Variants in CR1L observed in about 807,000 individuals in gnomAD.
CR1L encodes the protein complement component receptor 1-like protein.
A neutral mutation model predicts 62.3 loss-of-function variants in CR1L; 59 were observed. The ratio of observed to expected loss-of-function variants is 0.95; its 90% CI spans 0.77 to 1.18. CR1L has a LOEUF of 1.18. CR1L is among the 50% of genes most tolerant of loss of function. The pLI is 0.00. For synonymous variants in CR1L, 279 were observed against 248.7 expected (o/e 1.12, Z -1.15); for missense variants, 700 against 702.8 (o/e 1.00, Z 0.04).
At chr1:207,666,151 G>A (rs537679866) in intron 1 of CR1L, among the ~76,000 whole-genome samples, 26 of 152,178 alleles carry the variant, frequency 1.7e-4, no homozygotes, top group African/African-American at 4.3e-4. Flanking sequence ...GAGTTACTCC[G>A]TCCTCACACA....
intron 1 of CR1L, among the ~76,000 whole-genome samples, chr1:207,651,320 A>C (rs1372217235): frequency 6.6e-6 from 1 of 152,198 alleles, no homozygotes; most frequent in Non-Finnish European, 1.5e-5. Flanking sequence ...ATTGCCAATA[A>C]GTGCATTGCA....
chr1:207,677,617 G>A (rs12117441), intron 2 of CR1L, 49 bp downstream of exon 2: 8 of 1,577,406 alleles, frequency 5.1e-6, no homozygotes, highest in Non-Finnish European at 6.9e-6. Context: ...ACATCTGTAA[G>A]ATCTGATTCA....
intron 1 of CR1L, chr1:207,655,273 A>G: frequency 1.4e-6 from 1 of 695,344 alleles, no homozygotes; most frequent in Non-Finnish European, 2.4e-6. Flanking sequence ...CCAATATGTG[A>G]AAGTAAGTAA....
intron 9 of CR1L, among the ~76,000 whole-genome samples, chr1:207,702,085 C>T (rs937145240): frequency 6.6e-6 from 1 of 152,116 alleles, no homozygotes; most frequent in Non-Finnish European, 1.5e-5. Flanking sequence ...GGCAACGCTG[C>T]AACAAGCATG....
chr1:207,691,338 T>C (rs1373309807), intron 4 of CR1L, among the ~76,000 whole-genome samples: 1 of 151,946 alleles, frequency 6.6e-6, no homozygotes, highest in African/African-American at 2.4e-5. Context: ...ATATTATATA[T>C]ATTTCAAATC....
intron 10 of CR1L, among the ~76,000 whole-genome samples, chr1:207,713,673 G>A (rs140079355): frequency 1.3e-5 from 2 of 152,366 alleles, no homozygotes; most frequent in South Asian, 2.1e-4. Flanking sequence ...GCACAGGAGC[G>A]GGCTCCGTGC....
chr1:207,671,665 A>G lies in CR1L; in HGVS notation c.98-5724A>G, dbSNP rs578192378. ...AACGGGGCCAGGCGCAGTGGCTCACACCTATAATCCCAGCACTTTAGGAGG... is the reference window on the plus strand; with the variant it reads ...AACGGGGCCAGGCGCAGTGGCTCACGCCTATAATCCCAGCACTTTAGGAGG... On this transcript the variant is annotated intron_variant, in intron 1 of 11. Transcript: ENST00000508064. Among the ~76,000 whole-genome samples, 21 of 151,072 alleles carry G rather than the reference A, an allele frequency of 1.4e-4. 3 individuals are homozygous for G. The South Asian group carries it at 4.4e-3, about 31-fold the overall frequency.
chr1:207,710,559 T>TG (rs1337224628), intron 10 of CR1L: 28 of 1,609,756 alleles, frequency 1.7e-5, no homozygotes, highest in Non-Finnish European at 2.4e-5. Context: ...GATGATCAAG[T>TG]GGTCGTCTGG....
At chr1:207,704,851 T>G (rs115360994) in intron 9 of CR1L, among the ~76,000 whole-genome samples, 2,471 of 152,360 alleles carry the variant, frequency 0.016, 34 homozygotes, top group Non-Finnish European at 0.026. Context: ...TGACTTGGTT[T>G]GTTGTGATAT....
intron 4 of CR1L, among the ~76,000 whole-genome samples, chr1:207,687,907 G>T (rs1456092425): frequency 2.0e-5 from 3 of 151,986 alleles, no homozygotes; most frequent in Non-Finnish European, 4.4e-5. Flanking sequence ...GTCTTCTGTT[G>T]TAGTAAGTTC....
chr1:207,719,686 C>A (rs1654089598), intron 11 of CR1L, among the ~76,000 whole-genome samples: 1 of 151,880 alleles, frequency 6.6e-6, no homozygotes, highest in East Asian at 1.9e-4. Flanking sequence ...AACACTGCAC[C>A]CCAGCCTGGA....
chr1:207,712,245 G>A (rs918596126), intron 10 of CR1L, among the ~76,000 whole-genome samples: 3 of 152,190 alleles, frequency 2.0e-5, no homozygotes, highest in Non-Finnish European at 4.4e-5. Flanking sequence ...TTGGTCTCAG[G>A]TGACAGTCTC....
intron 4 of CR1L, 63 bp from the exon 5 acceptor site, chr1:207,694,290 T>G: frequency 6.3e-7 from 1 of 1,581,284 alleles, no homozygotes; most frequent in Non-Finnish European, 8.7e-7. Context: ...ATAGTTACAG[T>G]TTAGTGACTC....
chr1:207,719,025 G>A (rs576072830), intron 11 of CR1L, among the ~76,000 whole-genome samples: 48 of 143,494 alleles, frequency 3.3e-4, no homozygotes, highest in Non-Finnish European at 5.7e-4. Context: ...ACCAAACACC[G>A]CATATTCTCA....
chr1:207,675,535 C>A (rs1458031502), intron 1 of CR1L, among the ~76,000 whole-genome samples: 1 of 152,142 alleles, frequency 6.6e-6, no homozygotes, highest in East Asian at 1.9e-4. Context: ...AAAGGGCCAC[C>A]ACACCTTGGT....
At chr1:207,707,606 C>T (rs1050646418) in intron 9 of CR1L, among the ~76,000 whole-genome samples, 6 of 151,968 alleles carry the variant, frequency 3.9e-5, no homozygotes, top group Non-Finnish European at 7.4e-5. Context: ...CCAGCCTGAG[C>T]GACAGAGCCA....
intron 1 of CR1L, among the ~76,000 whole-genome samples, chr1:207,667,598 A>G (rs923363752): frequency 2.0e-5 from 3 of 152,226 alleles, no homozygotes; most frequent in African/African-American, 7.2e-5. Context: ...TTGGGGGAAC[A>G]TTATTCAGCC....
intron 4 of CR1L, among the ~76,000 whole-genome samples, chr1:207,686,694 C>A (rs1571520345): frequency 6.6e-6 from 1 of 152,224 alleles, no homozygotes; most frequent in Middle Eastern, 3.4e-3. Context: ...TCAAATTACA[C>A]AATTCAGTGG....
rs189391161 is a variant in CR1L at position 207,664,372 on chromosome 1, T to G, written c.98-13017T>G. The stretch of plus-strand genomic sequence containing the variant: ...TATATTTCCTATCTCCCTAATATTT[T>G]AAAGGATCTAGGGGAATTATGCACG... On this transcript the variant is annotated intron_variant, in intron 1 of 11. Coordinates refer to ENST00000508064, the MANE Select transcript of CR1L (RefSeq NM_175710.2). Among the ~76,000 whole-genome samples the G allele has an allele frequency of 2.3e-3, 355 of 152,324 alleles. 3 individuals are homozygous for G. The highest frequency in any genetic ancestry group is 3.1e-3 in the Non-Finnish European group (213 of 68,016).
Sources: gnomAD v4.1 joint callset for allele counts (sites outside exome capture counted in the v4.1 genomes callset) on GRCh38, gnomAD v4.1.1 for gene constraint, MANE v1.5 for transcripts, NCBI Gene and HGNC (gene_info 2026-07-23, HGNC 2026-07-21) for gene names.